The following DMD variants were observed in gnomAD, a reference collection of about 807,000 sequenced individuals.
The protein encoded by DMD is mutant dystrophin.
DMD carries 63 observed loss-of-function variants against 330.1 expected under a neutral mutation model. That is an observed-to-expected ratio of 0.19 (90% CI 0.16 to 0.24). The LOEUF is 0.24. DMD is among the 10% of genes least tolerant of loss of function. The probability of loss-of-function intolerance (pLI) is 1.00; values close to 1 mark genes in which losing one functional copy is unlikely to be tolerated. For synonymous variants in DMD, 1,223 were observed against 959.8 expected (o/e 1.27, Z -5.07); for missense variants, 3,344 against 2,684.1 (o/e 1.25, Z -5.43).
intron 44 of DMD, among the ~76,000 whole-genome samples, chrX:31,970,604 G>A (rs1244520627): frequency 9.0e-6 from 1 of 110,815 alleles, no homozygotes; most frequent in Admixed American, 9.6e-5. Flanking sequence ...TGGAGGGTTA[G>A]AGGCAGTGAG....
chrX:32,854,123 C>T (rs1251678933), intron 2 of DMD, among the ~76,000 whole-genome samples: 10 of 111,521 alleles, frequency 9.0e-5, no homozygotes, highest in Non-Finnish European at 1.9e-4. Flanking sequence ...ACCCCACTTT[C>T]AGCCTTGGAC....
intron 60 of DMD, among the ~76,000 whole-genome samples, chrX:31,401,017 G>T (rs1275807453): frequency 8.9e-6 from 1 of 111,857 alleles, no homozygotes; most frequent in African/African-American, 3.2e-5. Flanking sequence ...TGGGAAAAGG[G>T]TGATTTATCA....
intron 16 of DMD, among the ~76,000 whole-genome samples, chrX:32,561,657 TACTC>T (rs1433582679): frequency 1.8e-5 from 2 of 111,023 alleles, no homozygotes; most frequent in African/African-American, 6.6e-5. Context: ...AAATACAAGA[TACTC>T]ACTGAGCAGA....
At chrX:31,736,533 G>C (rs1228228354) in intron 51 of DMD, among the ~76,000 whole-genome samples, 1 of 111,470 alleles carries the variant, frequency 9.0e-6, no homozygotes, top group Non-Finnish European at 1.9e-5. Flanking sequence ...GGATAGACTT[G>C]GGAAATACAT....
At chrX:32,649,754 G>C (rs948203043) in intron 9 of DMD, among the ~76,000 whole-genome samples, 1 of 110,102 alleles carries the variant, frequency 9.1e-6, no homozygotes, top group African/African-American at 3.3e-5. Context: ...GAAGTATACA[G>C]CAATAGCCTT....
chrX:31,407,092 G>A (rs1217987465), intron 60 of DMD, among the ~76,000 whole-genome samples: 1 of 112,355 alleles, frequency 8.9e-6, no homozygotes, highest in African/African-American at 3.2e-5. Flanking sequence ...GAATATCATA[G>A]GCATCATAGA....
intron 55 of DMD, among the ~76,000 whole-genome samples, chrX:31,596,021 T>C (rs190238713): frequency 1.3e-4 from 15 of 111,672 alleles, no homozygotes; most frequent in Admixed American, 9.6e-4. Flanking sequence ...CAAAAGTTAA[T>C]AAAGACAGAT....
At chrX:31,220,327 T>C (rs908248558) in intron 64 of DMD, among the ~76,000 whole-genome samples, 8 of 111,689 alleles carry the variant, frequency 7.2e-5, no homozygotes, top group African/African-American at 2.0e-4. Context: ...TCTCCACTTT[T>C]GGTTCACTTT....
chrX:32,148,422 TGTTA>T (rs1242455909), intron 44 of DMD, among the ~76,000 whole-genome samples: 6 of 111,727 alleles, frequency 5.4e-5, no homozygotes, highest in East Asian at 2.8e-4. Flanking sequence ...ATTGTTGTTT[TGTTA>T]GTTAGTAGGG....
chrX:33,275,288 T>C (rs1603427457), intron 1 of DMD, among the ~76,000 whole-genome samples: 2 of 111,219 alleles, frequency 1.8e-5, no homozygotes, highest in Non-Finnish European at 1.9e-5. Context: ...GAGTCACACA[T>C]GGGAAAGAGA....
At chrX:32,639,000 C>T (rs2059274901) in intron 11 of DMD, among the ~76,000 whole-genome samples, 1 of 111,345 alleles carries the variant, frequency 9.0e-6, no homozygotes, top group African/African-American at 3.3e-5. Context: ...TGTGTATCTA[C>T]CCAGATACTA....
At chrX:31,790,715 A>G (rs1049412344) in intron 50 of DMD, among the ~76,000 whole-genome samples, 7 of 111,126 alleles carry the variant, frequency 6.3e-5, no homozygotes, top group African/African-American at 2.3e-4. Flanking sequence ...CCCCCAAACC[A>G]TAGCCAACAA....
chrX:32,318,648 C>A (rs1374506127), intron 41 of DMD, among the ~76,000 whole-genome samples: 1 of 111,282 alleles, frequency 9.0e-6, no homozygotes, highest in Non-Finnish European at 1.9e-5. Context: ...AAAAAAAGGG[C>A]CTGTCCATCT....
At chrX:32,851,353 G>A (rs759593568) in intron 2 of DMD, among the ~76,000 whole-genome samples, 3 of 111,829 alleles carry the variant, frequency 2.7e-5, no homozygotes, top group African/African-American at 9.8e-5. Flanking sequence ...CAAAAATTAT[G>A]AGTTATTCTT....
intron 39 of DMD, among the ~76,000 whole-genome samples, chrX:32,345,404 ATT>A (rs1246603082): frequency 9.0e-6 from 1 of 111,485 alleles, no homozygotes; most frequent in Non-Finnish European, 1.9e-5. Context: ...CACTAAGATT[ATT>A]TTTTAGGATT....
At chrX:32,325,312 G>A (rs959798075) in intron 41 of DMD, among the ~76,000 whole-genome samples, 4 of 111,167 alleles carry the variant, frequency 3.6e-5, no homozygotes, top group Non-Finnish European at 5.7e-5. Flanking sequence ...AAGTAATACT[G>A]CAATACATTT....
intron 45 of DMD, among the ~76,000 whole-genome samples, chrX:31,965,606 C>G (rs777683888): frequency 1.8e-5 from 2 of 111,383 alleles, no homozygotes; most frequent in Admixed American, 1.9e-4. Context: ...CATGGCGCCC[C>G]TTGCTATTCA....
intron 7 of DMD, among the ~76,000 whole-genome samples, chrX:32,777,108 A>C (rs1399912228): frequency 1.9e-5 from 2 of 107,782 alleles, no homozygotes; most frequent in Non-Finnish European, 3.8e-5. Flanking sequence ...CACGCTCCAC[A>C]ATTATCTGAG....
intron 30 of DMD, among the ~76,000 whole-genome samples, chrX:32,394,916 C>CAAACAAACAAAAAAAAAAACAAAAAAAA (rs2098030184): frequency 2.6e-5 from 1 of 39,020 alleles, no homozygotes; most frequent in African/African-American, 7.9e-5. Flanking sequence ...AACAAAAAAA[C>CAAACAAACAAAAAAAAAAACAAAAAAAA]AAAAAAAAAA....
Sources: gnomAD v4.1 joint callset for allele counts (sites outside exome capture counted in the v4.1 genomes callset) on GRCh38, gnomAD v4.1.1 for gene constraint, MANE v1.5 for transcripts, NCBI Gene and HGNC (gene_info 2026-07-23, HGNC 2026-07-21) for gene names.